Variants in POTEM observed in about 807,000 individuals in gnomAD.
The protein encoded by POTEM is POTE ankyrin domain family member M.
For missense variants in POTEM, 24 were observed against 343.0 expected, an observed-to-expected ratio of 0.07 and a Z score of 7.35; for synonymous variants, 8 against 113.2, an observed-to-expected ratio of 0.07 and a Z score of 5.90.
At chr14:18,995,040 T>C (rs1891277364) in intron 9 of POTEM, among the ~76,000 whole-genome samples, 1 of 84,778 alleles carries the variant, frequency 1.2e-5, no homozygotes, top group Admixed American at 1.2e-4. Context: ...GTGTTTTTCC[T>C]GTTGATTTGT....
Position 18,967,632 on chromosome 14 carries a change from CGATGATT to C in POTEM, c.148_154del (p.Asp50LeufsTer3), listed in dbSNP as rs1890786065. ...GCAACGTGGGCACTTCTGGAGACCA[CGATGATT>C]CTGCTATGAAGACACTCAGGAGCAA... On this transcript the variant is annotated frameshift_variant, in exon 1 of 11. Transcript: ENST00000547889. LOFTEE classifies it high-confidence loss of function. The C allele has an allele frequency of 1.6e-6, 1 of 614,522 alleles. No homozygotes were observed. The highest frequency in any genetic ancestry group is 5.1e-5 in the African/African-American group (1 of 19,734). The allele number at this position is 614,522 out of a possible 1,614,324, so 38.1% of individuals were successfully genotyped here.
chr14:18,996,580 G>A (rs879270073), intron 9 of POTEM, among the ~76,000 whole-genome samples: 2,542 of 104,504 alleles, frequency 0.024, no homozygotes, highest in Admixed American at 0.074. Flanking sequence ...CCTGAACCCT[G>A]TTGTAAGTTG....
At chr14:18,977,284 CCCTT>C (rs1890982867) in intron 4 of POTEM, 178 bp from the exon 5 acceptor site, 2 of 1,138,898 alleles carry the variant, frequency 1.8e-6, no homozygotes, top group African/African-American at 3.4e-5. Context: ...TTTTTTTTGT[CCCTT>C]CCTTTCAACC....
At chr14:18,969,251 A>G (rs1890840199) in intron 1 of POTEM, among the ~76,000 whole-genome samples, 3 of 133,838 alleles carry the variant, frequency 2.2e-5, no homozygotes, top group African/African-American at 9.0e-5. Flanking sequence ...AGAAGAAAAC[A>G]CAAGTGCCTA....
At chr14:18,974,907 T>TATTTTC (rs1890927195) in intron 3 of POTEM, 1 of 403,780 alleles carries the variant, frequency 2.5e-6, no homozygotes, top group Non-Finnish European at 4.8e-6. Flanking sequence ...TTTTTATTTT[T>TATTTTC]ATTTTTTTTT....
intron 1 of POTEM, among the ~76,000 whole-genome samples, chr14:18,969,451 C>T (rs1284186149): frequency 1.4e-4 from 15 of 108,336 alleles, no homozygotes; most frequent in Admixed American, 8.6e-4. Flanking sequence ...GGTGCGATCT[C>T]GGCTCACTGC....
chr14:18,984,142 C>CA (rs1891136077), intron 6 of POTEM, among the ~76,000 whole-genome samples: 1 of 14,508 alleles, frequency 6.9e-5, no homozygotes, highest in Non-Finnish European at 1.5e-4. Context: ...ATCTTTAGCC[C>CA]TTTTCCCTGT....
intron 3 of POTEM, chr14:18,974,742 C>CTTTTT (rs112378752): frequency 0.029 from 5,309 of 181,188 alleles, 45 homozygotes; most frequent in African/African-American, 0.049. Flanking sequence ...ATTAATCTGA[C>CTTTTT]TTTTTTTTTT....
chr14:18,985,997 C>T (rs192659454), intron 7 of POTEM, among the ~76,000 whole-genome samples: 812 of 60,868 alleles, frequency 0.013, 145 homozygotes, highest in Non-Finnish European at 0.021. Flanking sequence ...TCAATAGGTT[C>T]TAATTTAATA....
At chr14:18,980,190 CT>C (rs1891046731) in intron 6 of POTEM, 46 bp downstream of exon 6, 1 of 976,696 alleles carries the variant, frequency 1.0e-6, no homozygotes, top group Non-Finnish European at 1.4e-6. Context: ...TTTCCCCAAC[CT>C]TTTTGGCACC....
chr14:18,982,877 C>T (rs1441315529), intron 6 of POTEM, among the ~76,000 whole-genome samples: 5 of 54,906 alleles, frequency 9.1e-5, no homozygotes, highest in African/African-American at 4.4e-4. Context: ...GTTCATGTTC[C>T]CAGTGGCAGT....
At chr14:18,981,941 GT>G (rs1891093292) in intron 6 of POTEM, among the ~76,000 whole-genome samples, 1 of 147,728 alleles carries the variant, frequency 6.8e-6, no homozygotes, top group East Asian at 2.0e-4. Context: ...AACCAGAGTT[GT>G]TTTGTTTGTT....
chr14:18,969,347 A>G (rs1333945846), intron 1 of POTEM, among the ~76,000 whole-genome samples: 1 of 106,372 alleles, frequency 9.4e-6, no homozygotes, highest in Non-Finnish European at 1.8e-5. Flanking sequence ...ATATACATAT[A>G]TATACATGTG....
chr14:18,987,016 TTA>T (rs1891200624), intron 7 of POTEM, among the ~76,000 whole-genome samples, 151 bp from the exon 8 acceptor site: 1 of 87,520 alleles, frequency 1.1e-5, no homozygotes. Flanking sequence ...TAATTATTAT[TTA>T]TTTTTTAAGT....
intron 1 of POTEM, among the ~76,000 whole-genome samples, chr14:18,968,771 C>G (rs1354726451): frequency 6.6e-6 from 1 of 152,282 alleles, no homozygotes; most frequent in Non-Finnish European, 1.5e-5. Flanking sequence ...TGCAGTGAGC[C>G]GAGATCACGC....
At chr14:18,968,822 C>A (rs1426684134) in intron 1 of POTEM, among the ~76,000 whole-genome samples, 76 of 145,702 alleles carry the variant, frequency 5.2e-4, no homozygotes, top group Middle Eastern at 3.6e-3. Context: ...GACTCCGTCT[C>A]AAAAAAAAAA....
chr14:18,968,822 C>CAA (rs71222663), intron 1 of POTEM, among the ~76,000 whole-genome samples: 18,078 of 138,298 alleles, frequency 0.13, 11 homozygotes, highest in Non-Finnish European at 0.15. Context: ...GACTCCGTCT[C>CAA]AAAAAAAAAA....
intron 7 of POTEM, among the ~76,000 whole-genome samples, chr14:18,986,256 T>G (rs1487301779): frequency 2.1e-5 from 3 of 140,160 alleles, no homozygotes; most frequent in African/African-American, 8.5e-5. Context: ...GTCCCTGAGC[T>G]GGATTCATGG....
rs1437354630 is a variant in POTEM, at chr14:18,999,586, A to C, written c.*921A>C. ...TCCAGCTCCTCCCTAGAGAACAGCT[A>C]TGAGCTGCCCAACGGCCAGGTCATC... On this transcript the variant is annotated 3_prime_UTR_variant, in exon 11 of 11. Transcript: ENST00000547889. Among the ~76,000 whole-genome samples, 33 of 82,138 alleles carry C rather than the reference A, an allele frequency of 4.0e-4. No individual in the cohort carries two copies. The highest frequency in any genetic ancestry group is 7.0e-3 in the Middle Eastern group (1 of 142). 53.9% of individuals were successfully genotyped at this position (82,138 alleles called of 152,430 possible).
Sources: allele counts gnomAD v4.1 joint callset (sites outside exome capture counted in the v4.1 genomes callset), GRCh38; gene constraint gnomAD v4.1.1; transcripts MANE v1.5; gene names NCBI Gene and HGNC (gene_info 2026-07-23, HGNC 2026-07-21).